ACSS3: variants seen among roughly 807,000 people sequenced by gnomAD.
ACSS3 encodes the protein acyl-CoA synthetase short chain family member 3.
Under a neutral mutation model 84.2 loss-of-function variants are expected in ACSS3, and 64 were observed. The observed-to-expected ratio is 0.76, with a 90% confidence interval of 0.62 to 0.94. The LOEUF (loss-of-function observed/expected upper bound fraction) is 0.94, where lower values mean the gene tolerates loss of function less well. Ranked by LOEUF, ACSS3 falls within the 40% of genes least tolerant of loss-of-function variation. The pLI is 0.00. For missense variants in ACSS3, 815 were observed against 867.6 expected, an observed-to-expected ratio of 0.94 and a Z score of 0.76; for synonymous variants, 317 against 310.1, an observed-to-expected ratio of 1.02 and a Z score of -0.23.
chr12:81,249,803 G>C (rs2034095016), intron 13 of ACSS3, among the ~76,000 whole-genome samples: 1 of 152,000 alleles, frequency 6.6e-6, no homozygotes, highest in African/African-American at 2.4e-5. Context: ...AGACAATATT[G>C]CACTGCAAAC....
intron 11 of ACSS3, among the ~76,000 whole-genome samples, chr12:81,224,420 CA>C (rs1309320967): frequency 1.9e-4 from 29 of 151,622 alleles, no homozygotes; most frequent in Non-Finnish European, 5.9e-5. Flanking sequence ...ATACTGCAAC[CA>C]AAAAAATCTG....
At chr12:81,082,531 A>G (rs928859699) in intron 1 of ACSS3, among the ~76,000 whole-genome samples, 1 of 152,210 alleles carries the variant, frequency 6.6e-6, no homozygotes, top group African/African-American at 2.4e-5. Flanking sequence ...TGCAAAGGCC[A>G]TGAGGTAGAC....
At chr12:81,140,542 A>G (rs943162190) in intron 4 of ACSS3, among the ~76,000 whole-genome samples, 1 of 152,230 alleles carries the variant, frequency 6.6e-6, no homozygotes, top group Non-Finnish European at 1.5e-5. Flanking sequence ...ATTACCACCT[A>G]GCAATTCCCA....
intron 11 of ACSS3, among the ~76,000 whole-genome samples, chr12:81,226,059 T>C (rs947288657): frequency 2.6e-5 from 4 of 151,918 alleles, no homozygotes; most frequent in African/African-American, 9.7e-5. Flanking sequence ...CTAACCTTAC[T>C]GTCTCTACTT....
At chr12:81,157,107 C>T (rs556218245) in intron 7 of ACSS3, among the ~76,000 whole-genome samples, 1 of 152,004 alleles carries the variant, frequency 6.6e-6, no homozygotes, top group African/African-American at 2.4e-5. Flanking sequence ...AAAATATTAG[C>T]AAATATTTTG....
At position 81,257,297 on chromosome 12, in the gene ACSS3, T is replaced by A. The variant is rs974599751; in HGVS notation, c.*2375T>A. ...AAAGAATGTTGTTACTTTTATGTGA[T>A]GAAAAAATAGGGCAAGAAAGATATA... is the stretch of plus-strand genomic sequence containing the variant. On this transcript the variant is annotated 3_prime_UTR_variant, in exon 16 of 16. Transcript: ENST00000548058. 3.3e-5 allele frequency: 5 copies of A among 152,126 alleles called. No homozygotes were observed. The highest frequency in any genetic ancestry group is 1.2e-4 in the African/African-American group (5 of 41,440). 9.4% of individuals were successfully genotyped at this position (152,126 alleles called of 1,614,324 possible). A position where few individuals can be genotyped will look rare whatever the true frequency, so the allele number is the denominator to read the frequency against.
chr12:81,178,888 T>G (rs2030695847), intron 8 of ACSS3, among the ~76,000 whole-genome samples: 1 of 152,104 alleles, frequency 6.6e-6, no homozygotes. Context: ...CTACCTGACT[T>G]CAAACTATAT....
chr12:81,147,130 C>G (rs1167204918), intron 5 of ACSS3, among the ~76,000 whole-genome samples: 1 of 152,016 alleles, frequency 6.6e-6, no homozygotes, highest in African/African-American at 2.4e-5. Flanking sequence ...TTCAGATCGA[C>G]AAAAAAATTA....
intron 1 of ACSS3, among the ~76,000 whole-genome samples, chr12:81,083,756 C>A (rs535496213): frequency 6.6e-6 from 1 of 151,840 alleles, no homozygotes; most frequent in Non-Finnish European, 1.5e-5. Flanking sequence ...CAGATGACGA[C>A]GTCAGGAGAT....
chr12:81,145,500 A>G lies in ACSS3; in HGVS notation c.921+2253A>G, dbSNP rs563768390. Among the ~76,000 whole-genome samples the G allele has an allele frequency of 3.9e-5, 6 of 152,340 alleles. No homozygotes were observed. The South Asian group carries it at 1.0e-3, about 26-fold the overall frequency. ...GGTATGAACATAGGTGATGCAAGAT[A>G]GAAGGTGATCCTTTAGTTGGGAAGA... On this transcript the variant is annotated intron_variant, in intron 5 of 15. Transcript: ENST00000548058.
At chr12:81,131,775 G>T (rs976511707) in intron 2 of ACSS3, among the ~76,000 whole-genome samples, 2 of 152,096 alleles carry the variant, frequency 1.3e-5, no homozygotes, top group African/African-American at 2.4e-5. Context: ...GTCATAAATA[G>T]CTCTTATTAT....
intron 8 of ACSS3, among the ~76,000 whole-genome samples, chr12:81,178,613 G>A (rs1410678107): frequency 6.6e-6 from 1 of 151,982 alleles, no homozygotes; most frequent in African/African-American, 2.4e-5. Context: ...TCTACAATTG[G>A]AATTACAGAA....
intron 7 of ACSS3, 101 bp from the exon 8 acceptor site, chr12:81,174,687 C>A: frequency 8.2e-7 from 1 of 1,212,704 alleles, no homozygotes; most frequent in Non-Finnish European, 1.1e-6. Context: ...TGTTGAAAAC[C>A]CCTTATTATT....
rs574758829 is a variant in ACSS3 at position 81,172,617 on chromosome 12, C to G, written c.1099-2171C>G. ...CACCACTGCACTCCAGCCTCCACAA[C>G]AGAGCAAGACACTGCCTCAAAAACC... On this transcript the variant is annotated intron_variant, in intron 7 of 15. Transcript: ENST00000548058. 6.7e-4 allele frequency among the ~76,000 whole-genome samples: 102 copies of G among 152,180 alleles called. 1 individual carries two copies. The highest frequency in any genetic ancestry group is 2.4e-3 in the African/African-American group (98 of 41,516).
chr12:81,104,945 A>G (rs1661614646), intron 1 of ACSS3: 1 of 152,206 alleles, frequency 6.6e-6, no homozygotes, highest in Non-Finnish European at 1.5e-5. Context: ...ATAGTGGTGA[A>G]ATCTGGGCTT....
chr12:81,252,481 C>T (rs1489294811), intron 13 of ACSS3, among the ~76,000 whole-genome samples: 1 of 152,062 alleles, frequency 6.6e-6, no homozygotes, highest in South Asian at 2.1e-4. Context: ...AGTTTGCTCA[C>T]TGTTTTCTCT....
chr12:81,114,785 T>C (rs1883898636), intron 2 of ACSS3, among the ~76,000 whole-genome samples: 1 of 152,104 alleles, frequency 6.6e-6, no homozygotes, highest in Non-Finnish European at 1.5e-5. Flanking sequence ...ATATATAATA[T>C]ATATTCAGAT....
intron 9 of ACSS3, among the ~76,000 whole-genome samples, chr12:81,210,043 T>A (rs2032527723): frequency 6.6e-6 from 1 of 152,184 alleles, no homozygotes; most frequent in Non-Finnish European, 1.5e-5. Context: ...TTGTGACCTG[T>A]ATCTTGTGCC....
At chr12:81,207,266 C>G (rs781246135) in intron 9 of ACSS3, among the ~76,000 whole-genome samples, 2 of 152,154 alleles carry the variant, frequency 1.3e-5, no homozygotes, top group Non-Finnish European at 2.9e-5. Context: ...CCCTGATACA[C>G]GTAAACCCCT....
Sources: gnomAD v4.1 joint callset for allele counts (sites outside exome capture counted in the v4.1 genomes callset) on GRCh38, gnomAD v4.1.1 for gene constraint, MANE v1.5 for transcripts, NCBI Gene and HGNC (gene_info 2026-07-23, HGNC 2026-07-21) for gene names.